LRRC37A2: variants seen among roughly 807,000 people sequenced by gnomAD.
LRRC37A2 encodes the protein leucine-rich repeat-containing protein 37A2.
A neutral mutation model predicts 68.8 loss-of-function variants in LRRC37A2; 9 were observed. The observed-to-expected ratio is 0.13, with a 90% CI of 0.08 to 0.23. The LOEUF is 0.23. Among genes scored for constraint, LRRC37A2 ranks in the 10% least tolerant of loss-of-function variants. The pLI, the probability that LRRC37A2 is intolerant of heterozygous loss-of-function variation, is 1.00. For missense variants in LRRC37A2, 168 were observed against 950.4 expected (o/e 0.18, Z 10.82); for synonymous variants, 63 against 367.6 (o/e 0.17, Z 9.48).
the LRRC37A2 span, among the ~76,000 whole-genome samples, chr17:46,943,417 C>G: frequency 2.6e-5 from 4 of 152,232 alleles, no homozygotes; most frequent in East Asian, 3.8e-4. Context: ...TTGGTCTTCT[C>G]AGAACATGCC....
At chr17:46,993,391 C>T in the LRRC37A2 span, among the ~76,000 whole-genome samples, 4 of 152,250 alleles carry the variant, frequency 2.6e-5, no homozygotes, top group African/African-American at 9.6e-5. Context: ...GATCAGTCTG[C>T]CTACCCCCAG....
At chr17:46,896,216 C>A in the LRRC37A2 span, among the ~76,000 whole-genome samples, 1 of 151,704 alleles carries the variant, frequency 6.6e-6, no homozygotes, top group Non-Finnish European at 1.5e-5. Context: ...ATCACTTGAA[C>A]CCGGGAGACG....
At chr17:46,869,483 C>T in the LRRC37A2 span, among the ~76,000 whole-genome samples, 1 of 152,204 alleles carries the variant, frequency 6.6e-6, no homozygotes, top group African/African-American at 2.4e-5. Flanking sequence ...TCTCCACCCA[C>T]TCCATGCCAG....
chr17:46,954,791 G>T, the LRRC37A2 span, among the ~76,000 whole-genome samples: 12 of 152,204 alleles, frequency 7.9e-5, no homozygotes, highest in Non-Finnish European at 1.6e-4. Flanking sequence ...TGAAGCAATT[G>T]TGAATGGGAG....
the LRRC37A2 span, among the ~76,000 whole-genome samples, chr17:46,856,618 G>A: frequency 1.3e-5 from 2 of 151,800 alleles, no homozygotes; most frequent in Admixed American, 6.6e-5. Flanking sequence ...CAAGTAGATG[G>A]GATGACAAGT....
chr17:46,894,650 C>T, the LRRC37A2 span, among the ~76,000 whole-genome samples: 1 of 152,204 alleles, frequency 6.6e-6, no homozygotes, highest in Non-Finnish European at 1.5e-5. Context: ...TCTAAGGCTG[C>T]CGCCTGCCAC....
At chr17:46,882,331 C>A in the LRRC37A2 span, among the ~76,000 whole-genome samples, 1 of 152,170 alleles carries the variant, frequency 6.6e-6, no homozygotes, top group African/African-American at 2.4e-5. Flanking sequence ...CTGCATGTCT[C>A]GTGGAATACC....
At chr17:46,721,837 T>G in the LRRC37A2 span, 1 of 1,595,366 alleles carries the variant, frequency 6.3e-7, no homozygotes, top group South Asian at 1.1e-5. Flanking sequence ...GCTTATTTTT[T>G]GTACGGCTTT....
the LRRC37A2 span, among the ~76,000 whole-genome samples, chr17:46,439,401 A>AT: frequency 6.8e-6 from 1 of 147,220 alleles, no homozygotes; most frequent in African/African-American, 2.5e-5. Flanking sequence ...AAAAAAAAAA[A>AT]GCATTTTGCT....
the LRRC37A2 span, chr17:46,831,545 A>G: frequency 6.7e-4 from 102 of 152,658 alleles, 1 homozygote; most frequent in South Asian, 0.02. Context: ...TAGGCCCATC[A>G]GAGGCTTTCT....
At chr17:46,915,296 CGT>C in the LRRC37A2 span, among the ~76,000 whole-genome samples, 3 of 152,172 alleles carry the variant, frequency 2.0e-5, no homozygotes, top group Non-Finnish European at 4.4e-5. Flanking sequence ...AGCCCCTACA[CGT>C]GGCCTTTCCA....
At position 46,526,391 on chromosome 17, in the gene LRRC37A2, CAAAA is replaced by C. The variant is rs1024611502; in HGVS notation, c.2906+2511_2906+2514del. 5.1e-4 allele frequency among the ~76,000 whole-genome samples: 52 copies of C among 100,972 alleles called. 1 individual carries two copies. Among genetic ancestry groups the C allele is most frequent in the Admixed American group, 6.3e-4 (7 of 11,056 alleles). The allele number at this position is 100,972 out of a possible 152,430, so 66.2% of individuals were successfully genotyped here. The stretch of plus-strand genomic sequence containing the variant: ...ATTACACAAGTTTATAAAAAACAAA[CAAAA>C]AAAGAGGCCCCAGCTGTGGTTGATC... On this transcript the variant is annotated intron_variant, in intron 6 of 14. Coordinates refer to ENST00000576629, the Ensembl canonical transcript of LRRC37A2.
the LRRC37A2 span, chr17:46,939,564 A>G: frequency 1.0e-5 from 10 of 985,334 alleles, no homozygotes; most frequent in Non-Finnish European, 1.1e-5. Flanking sequence ...CTTAGAAAGT[A>G]GCTGTAGGCA....
chr17:46,814,015 C>G, the LRRC37A2 span, among the ~76,000 whole-genome samples: 1 of 152,194 alleles, frequency 6.6e-6, no homozygotes, highest in Non-Finnish European at 1.5e-5. Flanking sequence ...GCAGCAAGCA[C>G]CTCCTAAAGG....
the LRRC37A2 span, chr17:46,978,630 G>C: frequency 6.3e-7 from 1 of 1,577,008 alleles, no homozygotes; most frequent in Non-Finnish European, 8.6e-7. Flanking sequence ...TGGCGAGGGC[G>C]GACCCAGATG....
chr17:46,858,828 A>G, the LRRC37A2 span, among the ~76,000 whole-genome samples: 1 of 151,996 alleles, frequency 6.6e-6, no homozygotes, highest in Non-Finnish European at 1.5e-5. Flanking sequence ...CATCACGCCC[A>G]GCTAATTTTT....
At chr17:46,860,474 A>G in the LRRC37A2 span, among the ~76,000 whole-genome samples, 2 of 152,230 alleles carry the variant, frequency 1.3e-5, no homozygotes, top group African/African-American at 4.8e-5. Flanking sequence ...CAGAGTTCAA[A>G]TCTCCATCTA....
At chr17:46,765,697 G>C in the LRRC37A2 span, among the ~76,000 whole-genome samples, 463 of 152,356 alleles carry the variant, frequency 3.0e-3, 3 homozygotes, top group African/African-American at 8.6e-3. Context: ...AGAGCAGGCG[G>C]CTCTCGCCTG....
the LRRC37A2 span, chr17:46,922,893 C>G: frequency 1.9e-6 from 1 of 522,652 alleles, no homozygotes; most frequent in Middle Eastern, 5.2e-4. Context: ...GTTAGTATCC[C>G]GCGATTGTCC....
Sources: gnomAD v4.1 joint callset for allele counts (sites outside exome capture counted in the v4.1 genomes callset) on GRCh38, gnomAD v4.1.1 for gene constraint, MANE v1.5 for transcripts, NCBI Gene and HGNC (gene_info 2026-07-23, HGNC 2026-07-21) for gene names.